Variants in PLIN3 observed in about 807,000 individuals in gnomAD.
PLIN3 encodes perilipin 3, also known as perilipin-3.
PLIN3 carries 30 observed loss-of-function variants against 35.9 expected under a neutral mutation model. The observed-to-expected ratio is 0.84, with a 90% CI of 0.62 to 1.13. The LOEUF is 1.13. Ranked by LOEUF, PLIN3 falls within the 50% of genes most tolerant of loss-of-function variation. The pLI is 0.00. For missense variants in PLIN3, 603 were observed against 596.9 expected (o/e 1.01, Z -0.11); for synonymous variants, 261 against 262.5 (o/e 0.99, Z 0.06).
rs2030034127 is a variant in PLIN3 at position 4,844,859 on chromosome 19, A to AC, written c.835-67dup. 4.7e-6 allele frequency: 7 copies of AC among 1,477,696 alleles called. 1 individual carries two copies. The South Asian group carries it at 9.4e-5, about 20-fold the overall frequency. 91.5% of individuals were successfully genotyped at this position (1,477,696 alleles called of 1,614,324 possible). A position where few individuals can be genotyped will look rare whatever the true frequency, so the allele number is the denominator to read the frequency against. ...TGGGAGAGACGGGATTCCAGAAGGA[A>AC]CCCAAGGAATCCTTCCAGCATCTGA... is the stretch of plus-strand genomic sequence containing the variant. On this transcript the variant is annotated intron_variant, in intron 6 of 7. Coordinates refer to ENST00000221957, the MANE Select transcript of PLIN3 (RefSeq NM_005817.5).
chr19:4,842,143 T>G (rs1426949006), intron 7 of PLIN3, among the ~76,000 whole-genome samples: 1 of 150,490 alleles, frequency 6.6e-6, no homozygotes, highest in African/African-American at 2.4e-5. Flanking sequence ...ATACAAAAAT[T>G]AGGCCGGGCG....
intron 7 of PLIN3, among the ~76,000 whole-genome samples, chr19:4,842,156 G>A (rs1438011343): frequency 6.6e-6 from 1 of 151,980 alleles, no homozygotes; most frequent in African/African-American, 2.4e-5. Flanking sequence ...GCCGGGCGCA[G>A]TGGGTCAGGC....
rs1172963843 is a variant in PLIN3, at chr19:4,864,098, A to AATGTGTGTGT, written c.-17-2688_-17-2687insACACACACAT. 1.4e-3 allele frequency among the ~76,000 whole-genome samples: 175 copies of AATGTGTGTGT among 125,386 alleles called. 3 individuals are homozygous for AATGTGTGTGT. Among genetic ancestry groups the AATGTGTGTGT allele is most frequent in the Admixed American group, 5.6e-3 (68 of 12,246 alleles). The allele number at this position is 125,386 out of a possible 152,430, so 82.3% of individuals were successfully genotyped here. On this transcript the variant is annotated intron_variant, in intron 1 of 7. Coordinates refer to ENST00000221957, the MANE Select transcript of PLIN3 (RefSeq NM_005817.5). Reference sequence around the variant, plus strand: ...CAGGCACGCACCACCACACCTGGCTAGTGTGTGTGTGTGTGTGTGTGTGTG... The same window carrying AATGTGTGTGT: ...CAGGCACGCACCACCACACCTGGCTAATGTGTGTGTGTGTGTGTGTGTGTGTGTGTGTGTG...
chr19:4,865,123 C>T (rs928204584), intron 1 of PLIN3, among the ~76,000 whole-genome samples: 53 of 151,766 alleles, frequency 3.5e-4, no homozygotes, highest in Admixed American at 1.5e-3. Flanking sequence ...ACCTGGGAGG[C>T]GGAGGTTGCA....
chr19:4,865,755 GCC>G (rs1207982416), intron 1 of PLIN3, among the ~76,000 whole-genome samples: 1 of 118,944 alleles, frequency 8.4e-6, no homozygotes, highest in Non-Finnish European at 1.7e-5. Flanking sequence ...ACGGAGTCTC[GCC>G]CTGTCGCCCA....
chr19:4,843,510 A>AAAATAAT (rs1555733214), intron 7 of PLIN3, among the ~76,000 whole-genome samples: 1 of 139,442 alleles, frequency 7.2e-6, no homozygotes, highest in African/African-American at 2.7e-5. Flanking sequence ...TCCATCTCAA[A>AAAATAAT]AAATAAATAA....
chr19:4,855,255 A>AG (rs2030436299), intron 4 of PLIN3, among the ~76,000 whole-genome samples: 2 of 18,436 alleles, frequency 1.1e-4, no homozygotes, highest in Admixed American at 6.1e-4. Context: ...ATCTGAAAAA[A>AG]AAAAAAAAAA....
rs765582417 is a variant in PLIN3, at chr19:4,852,051, G to A, written c.599C>T (p.Ala200Val). 39 of 1,613,676 alleles carry A rather than the reference G, an allele frequency of 2.4e-5. No individual in the cohort carries two copies. Among genetic ancestry groups the A allele is most frequent in the Non-Finnish European group, 2.9e-5 (34 of 1,179,920 alleles). The change falls in exon 5 of 8, where the codon GCG (alanine) becomes GTG (valine). Residue 200 changes from alanine to valine, a missense_variant. Ala to Val is a moderately conservative substitution (Grantham distance 64, BLOSUM62 0). Transcript: ENST00000221957. The stretch of plus-strand genomic sequence containing the variant: ...ATCCGTAAGGGGCAGGTGGTTGTCC[G>A]CCCACTCCTCCGACTTCCCCAGCAC... ...DTVLGKSEEWADNHLPLTDAE... is the reference protein window; with the variant it reads ...DTVLGKSEEWVDNHLPLTDAE...
chr19:4,852,037 G>T lies in PLIN3; in HGVS notation c.613C>A (p.Pro205Thr). ...TTACCCAGTTCGGCATCCGTAAGGG[G>T]CAGGTGGTTGTCCGCCCACTCCTCC... ...KSEEWADNHL[P>T]LTDAELARIA... Residue 205 changes from proline to threonine, a missense_variant, in exon 5 of 8, where the codon CCC becomes ACC. Physicochemically the swap from Pro to Thr is conservative, Grantham distance 38. Transcript: ENST00000221957. 6.2e-7 allele frequency: 1 copy of T among 1,613,802 alleles called. No homozygotes were observed. The highest frequency in any genetic ancestry group is 1.1e-5 in the South Asian group (1 of 91,060).
intron 4 of PLIN3, among the ~76,000 whole-genome samples, chr19:4,856,649 C>T (rs1251731052): frequency 6.6e-6 from 1 of 151,914 alleles, no homozygotes; most frequent in Non-Finnish European, 1.5e-5. Context: ...TGCCCTGGTC[C>T]CAGCTGGGGA....
At chr19:4,856,907 T>C (rs1246428924) in intron 4 of PLIN3, among the ~76,000 whole-genome samples, 5 of 151,870 alleles carry the variant, frequency 3.3e-5, no homozygotes, top group Admixed American at 6.6e-5. Flanking sequence ...GGTTTCACCA[T>C]GTTGGCCAGG....
At chr19:4,857,319 C>T (rs907072114) in intron 4 of PLIN3, among the ~76,000 whole-genome samples, 6 of 151,866 alleles carry the variant, frequency 4.0e-5, no homozygotes, top group Non-Finnish European at 7.4e-5. Context: ...CACCTAGTCC[C>T]AGCTACTCAG....
intron 4 of PLIN3, among the ~76,000 whole-genome samples, chr19:4,856,598 G>C (rs1568378942): frequency 6.6e-6 from 1 of 151,784 alleles, no homozygotes; most frequent in Admixed American, 6.6e-5. Flanking sequence ...GTGCCAGGCT[G>C]CCTGCTGGGC....
chr19:4,848,005 A>C, intron 5 of PLIN3, 115 bp from the exon 6 acceptor site: 1 of 804,938 alleles, frequency 1.2e-6, no homozygotes, highest in Non-Finnish European at 2.0e-6. Context: ...TTATTTAGAG[A>C]TGGAGTCTCG....
intron 7 of PLIN3, 111 bp downstream of exon 7, chr19:4,844,557 G>C (rs1344380778): frequency 3.3e-6 from 4 of 1,194,624 alleles, no homozygotes; most frequent in East Asian, 5.5e-5. Flanking sequence ...TCCAAAAGCA[G>C]GTGAGGCTAG....
intron 6 of PLIN3, among the ~76,000 whole-genome samples, chr19:4,845,501 G>A (rs529942694): frequency 6.6e-6 from 1 of 152,268 alleles, no homozygotes; most frequent in Admixed American, 6.6e-5. Context: ...GAACGAAGCA[G>A]GCTGACTTCT....
chr19:4,851,616 T>C (rs2030293433), intron 5 of PLIN3, among the ~76,000 whole-genome samples: 2 of 151,974 alleles, frequency 1.3e-5, no homozygotes, highest in Admixed American at 1.3e-4. Flanking sequence ...TTTAGTCACG[T>C]ATTTATGCAG....
In PLIN3 at chr19:4,847,877, T is replaced by C. The variant is rs1346565762; in HGVS notation, c.648A>G (p.Thr216=). 5 of 1,613,640 alleles carry C rather than the reference T, an allele frequency of 3.1e-6. No individual in the cohort carries two copies. The highest frequency in any genetic ancestry group is 2.2e-5 in the East Asian group (1 of 44,880). Residue 216 remains threonine (T), a synonymous_variant, in exon 6 of 8, where the codon ACA becomes ACG. Coordinates refer to ENST00000221957, the MANE Select transcript of PLIN3 (RefSeq NM_005817.5). ...LTDAELARIA[T]SLDGFDVASV... Reference sequence around the variant, plus strand: ...ACGCGACGTCAAAGCCATCCAGGGATGTGGCGATGCGGGCTGCAAGGAAAA... The same window carrying C: ...ACGCGACGTCAAAGCCATCCAGGGACGTGGCGATGCGGGCTGCAAGGAAAA...
At chr19:4,866,973 G>A (rs2030879317) in intron 1 of PLIN3, 1 of 152,344 alleles carries the variant, frequency 6.6e-6, no homozygotes, top group Admixed American at 6.5e-5. Context: ...AATTCCAAGG[G>A]CCCCAGGTCC....
Sources: gnomAD v4.1 joint callset for allele counts (sites outside exome capture counted in the v4.1 genomes callset) on GRCh38, gnomAD v4.1.1 for gene constraint, MANE v1.5 for transcripts, NCBI Gene and HGNC (gene_info 2026-07-23, HGNC 2026-07-21) for gene names.